Variants in NSUN7 observed in about 807,000 individuals in gnomAD.
NSUN7 encodes protein NSUN7.
A neutral mutation model predicts 58.5 loss-of-function variants in NSUN7; 39 were observed. The ratio of observed to expected loss-of-function variants is 0.67; its 90% CI spans 0.52 to 0.87. The LOEUF (loss-of-function observed/expected upper bound fraction) is 0.87, where lower values mean the gene tolerates loss of function less well. NSUN7 is among the 40% of genes least tolerant of loss of function. The pLI is 0.00. For missense variants in NSUN7, 765 were observed against 844.1 expected, an observed-to-expected ratio of 0.91 and a Z score of 1.16; for synonymous variants, 278 against 303.7, an observed-to-expected ratio of 0.92 and a Z score of 0.88.
At chr4:40,792,733 C>CAG (rs1165164996) in intron 8 of NSUN7, among the ~76,000 whole-genome samples, 51 of 149,848 alleles carry the variant, frequency 3.4e-4, no homozygotes, top group Non-Finnish European at 5.9e-4. Context: ...GCCTGGGCGA[C>CAG]AGCAAGACTC....
At chr4:40,774,108 A>G (rs745574481) in intron 4 of NSUN7, among the ~76,000 whole-genome samples, 157 bp from the exon 5 acceptor site, 7 of 152,154 alleles carry the variant, frequency 4.6e-5, no homozygotes, top group Admixed American at 2.6e-4. Context: ...TTGGATTTCT[A>G]TTTACAAATA....
rs763345057 is a variant in NSUN7, at chr4:40,808,929, G to A, written c.2147G>A (p.Arg716Gln). 23 of 1,518,250 alleles carry A rather than the reference G, an allele frequency of 1.5e-5. No homozygotes were observed. Among genetic ancestry groups the A allele is most frequent in the Non-Finnish European group, 1.9e-5 (22 of 1,134,692 alleles). 94.0% of individuals were successfully genotyped at this position (1,518,250 alleles called of 1,614,324 possible). A position where few individuals can be genotyped will look rare whatever the true frequency, so the allele number is the denominator to read the frequency against. The change falls in exon 12 of 12, where the codon CGA becomes CAA. Residue 716 changes from arginine to glutamine, a missense_variant. Transcript: ENST00000381782. Reference protein sequence around the residue: ...TPSSLLRPPRRWL With the variant: ...TPSSLLRPPRQWL ...TCCTCCCTACTCAGGCCTCCTCGGC[G>A]ATGGCTTTGATTGTCTTGTGTTTTT... is the stretch of plus-strand genomic sequence containing the variant.
chr4:40,788,608 G>A (rs940453698), intron 7 of NSUN7, among the ~76,000 whole-genome samples: 2 of 152,166 alleles, frequency 1.3e-5, no homozygotes, highest in Non-Finnish European at 2.9e-5. Context: ...AGAGGGTGCC[G>A]AGAGACTTTG....
chr4:40,783,201 A>G (rs1299175497), intron 7 of NSUN7, among the ~76,000 whole-genome samples: 1 of 152,238 alleles, frequency 6.6e-6, no homozygotes, highest in African/African-American at 2.4e-5. Context: ...TTGAAAGTTC[A>G]GAAATAAACC....
chr4:40,777,373 C>T (rs1466920796), intron 7 of NSUN7, among the ~76,000 whole-genome samples: 1 of 151,898 alleles, frequency 6.6e-6, no homozygotes, highest in African/African-American at 2.4e-5. Context: ...CCTCTTGTTG[C>T]CCAGGCGGGA....
chr4:40,797,000 A>G (rs1560562899), intron 9 of NSUN7, among the ~76,000 whole-genome samples: 2 of 152,164 alleles, frequency 1.3e-5, no homozygotes, highest in African/African-American at 4.8e-5. Flanking sequence ...TCCTGTGAAG[A>G]TCGCCAGTGA....
At chr4:40,750,481 C>G in intron 1 of NSUN7, 122 bp from the exon 2 acceptor site, 2 of 423,698 alleles carry the variant, frequency 4.7e-6, no homozygotes, top group East Asian at 4.4e-5. Flanking sequence ...GGCTCGAAGT[C>G]TGGGACACTC....
chr4:40,765,984 G>A (rs984788369), intron 4 of NSUN7, among the ~76,000 whole-genome samples: 24 of 152,188 alleles, frequency 1.6e-4, no homozygotes, highest in Admixed American at 1.6e-3. Context: ...ATTTTGGGCT[G>A]AGACAATGGG....
chr4:40,776,898 G>A (rs10938388), intron 7 of NSUN7, among the ~76,000 whole-genome samples: 44,068 of 152,176 alleles, frequency 0.29, 6,763 homozygotes, highest in Non-Finnish European at 0.34. Context: ...TTACAGAGGC[G>A]TGAGCTACCA....
chr4:40,800,553 T>C (rs759121075), intron 10 of NSUN7, among the ~76,000 whole-genome samples: 1 of 152,174 alleles, frequency 6.6e-6, no homozygotes, highest in Non-Finnish European at 1.5e-5. Context: ...TTGGCCAGGC[T>C]GGTCTTGAAC....
Position 40,750,712 on chromosome 4 carries a change from G to T in NSUN7, c.19G>T (p.Glu7Ter). Reference protein sequence around the residue: MLNSTGELEFSNEEDPE... With the variant: MLNSTG ...GGCAGACATGCTGAATTCCACGGGC[G>T]AACTGGAGTTTTCGAACGAAGAAGA... Residue 7 changes from glutamate to a stop codon, truncating the protein, a stop_gained, in exon 2 of 12, where the codon GAA (glutamate) becomes TAA (stop). Transcript: ENST00000381782. LOFTEE classifies it high-confidence loss of function. The T allele has an allele frequency of 6.2e-7, 1 of 1,613,492 alleles. No individual in the cohort carries two copies. Among genetic ancestry groups the T allele is most frequent in the South Asian group, 1.1e-5 (1 of 91,054 alleles).
chr4:40,773,018 C>T (rs1742085715), intron 4 of NSUN7: 1 of 152,130 alleles, frequency 6.6e-6, no homozygotes, highest in African/African-American at 2.4e-5. Flanking sequence ...TGATGCTAAC[C>T]AGTTCTTGTT....
At chr4:40,797,591 G>A (rs575832260) in intron 9 of NSUN7, among the ~76,000 whole-genome samples, 1 of 152,134 alleles carries the variant, frequency 6.6e-6, no homozygotes, top group East Asian at 1.9e-4. Flanking sequence ...TATGAGGTAG[G>A]TTCTACATTC....
intron 10 of NSUN7, among the ~76,000 whole-genome samples, chr4:40,799,592 G>T (rs1185838057): frequency 1.3e-5 from 2 of 151,856 alleles, no homozygotes; most frequent in African/African-American, 4.8e-5. Context: ...TAGCATAAAA[G>T]ACACAAGTAA....
chr4:40,779,594 A>G (rs776532606), intron 7 of NSUN7, among the ~76,000 whole-genome samples: 1 of 152,164 alleles, frequency 6.6e-6, no homozygotes, highest in Non-Finnish European at 1.5e-5. Context: ...ACAGAGCCAG[A>G]CTGTTTCGAA....
At chr4:40,764,528 T>C (rs971344100) in intron 4 of NSUN7, among the ~76,000 whole-genome samples, 6 of 152,134 alleles carry the variant, frequency 3.9e-5, no homozygotes, top group Admixed American at 3.9e-4. Flanking sequence ...TGAATAGTGC[T>C]GCAATAAACA....
intron 2 of NSUN7, among the ~76,000 whole-genome samples, chr4:40,758,959 A>G (rs1281877179): frequency 6.6e-6 from 1 of 152,188 alleles, no homozygotes; most frequent in East Asian, 1.9e-4. Flanking sequence ...TAGGCTTTCC[A>G]TAAATATTGA....
chr4:40,780,666 T>C (rs1742486494), intron 7 of NSUN7, among the ~76,000 whole-genome samples: 1 of 146,502 alleles, frequency 6.8e-6, no homozygotes, highest in Admixed American at 6.8e-5. Context: ...AAATAGCAAA[T>C]AGGATGGTAG....
At chr4:40,757,303 G>A (rs576119702) in intron 2 of NSUN7, among the ~76,000 whole-genome samples, 2 of 152,126 alleles carry the variant, frequency 1.3e-5, no homozygotes, top group African/African-American at 4.8e-5. Context: ...AATAGGCTTT[G>A]TGTTGGATAA....
Sources: allele counts gnomAD v4.1 joint callset (sites outside exome capture counted in the v4.1 genomes callset), GRCh38; gene constraint gnomAD v4.1.1; transcripts MANE v1.5; gene names NCBI Gene and HGNC (gene_info 2026-07-23, HGNC 2026-07-21).